ZNF385D: variants seen among roughly 807,000 people sequenced by gnomAD.
ZNF385D encodes zinc finger protein 659.
ZNF385D carries 15 observed loss-of-function variants against 35.8 expected under a neutral mutation model. The observed-to-expected ratio is 0.42, with a 90% confidence interval of 0.28 to 0.64. The LOEUF is 0.64. Ranked by LOEUF, ZNF385D falls within the 30% of genes least tolerant of loss-of-function variation. ZNF385D has a pLI of 0.23. For missense variants in ZNF385D, 474 were observed against 494.6 expected, an observed-to-expected ratio of 0.96 and a Z score of 0.39; for synonymous variants, 212 against 186.8, an observed-to-expected ratio of 1.13 and a Z score of -1.10.
chr3:22,276,710 A>G (rs544334573), intron 2 of ZNF385D, among the ~76,000 whole-genome samples: 1 of 152,286 alleles, frequency 6.6e-6, no homozygotes, highest in African/African-American at 2.4e-5. Context: ...GAGTATTTGC[A>G]TCTCCATTTT....
At chr3:22,122,396 A>G (rs1210199747) in intron 3 of ZNF385D, among the ~76,000 whole-genome samples, 1 of 152,080 alleles carries the variant, frequency 6.6e-6, no homozygotes, top group Non-Finnish European at 1.5e-5. Flanking sequence ...TTTCCCAATA[A>G]TAGTATTTTC....
chr3:22,230,084 A>T (rs1698796871), intron 2 of ZNF385D, among the ~76,000 whole-genome samples: 1 of 152,216 alleles, frequency 6.6e-6, no homozygotes, highest in South Asian at 2.1e-4. Context: ...AATCCTTGTT[A>T]GTCCTGAGGG....
At chr3:22,186,317 G>A (rs943153677) in intron 2 of ZNF385D, among the ~76,000 whole-genome samples, 1 of 152,154 alleles carries the variant, frequency 6.6e-6, no homozygotes, top group South Asian at 2.1e-4. Context: ...GACGTAACTT[G>A]AATAAACACA....
At chr3:22,345,608 A>T (rs762823539) in intron 2 of ZNF385D, among the ~76,000 whole-genome samples, 1 of 152,218 alleles carries the variant, frequency 6.6e-6, no homozygotes, top group Non-Finnish European at 1.5e-5. Flanking sequence ...GATGCTTAAT[A>T]TAACTTATGT....
At chr3:22,363,083 C>T (rs73041338) in intron 2 of ZNF385D, among the ~76,000 whole-genome samples, 5,449 of 152,152 alleles carry the variant, frequency 0.036, 149 homozygotes, top group East Asian at 0.1. Context: ...AGTTCCTCTT[C>T]GGAGAACCCA....
intron 3 of ZNF385D, among the ~76,000 whole-genome samples, chr3:22,085,434 AAT>A (rs1700979404): frequency 6.6e-6 from 1 of 152,228 alleles, no homozygotes; most frequent in Non-Finnish European, 1.5e-5. Context: ...ATCATCAGAG[AAT>A]ACTATAAACA....
chr3:22,319,447 CT>C (rs973224249), intron 2 of ZNF385D, among the ~76,000 whole-genome samples: 1 of 151,850 alleles, frequency 6.6e-6, no homozygotes, highest in African/African-American at 2.4e-5. Context: ...AATTAATATA[CT>C]TTTTTTAAAA....
At chr3:22,296,085 T>C (rs1223188228) in intron 2 of ZNF385D, among the ~76,000 whole-genome samples, 1 of 152,154 alleles carries the variant, frequency 6.6e-6, no homozygotes, top group Admixed American at 6.6e-5. Context: ...ATATCCAAAA[T>C]GTAAGGTTAT....
At chr3:21,639,159 A>G (rs2065530030) in intron 2 of ZNF385D, among the ~76,000 whole-genome samples, 1 of 152,078 alleles carries the variant, frequency 6.6e-6, no homozygotes, top group Non-Finnish European at 1.5e-5. Flanking sequence ...GCATATAGAA[A>G]TATACACTGA....
Position 21,418,177 on chromosome 3 carries a change from C to T in ZNF385D, c.*3037G>A, listed in dbSNP as rs1445137472. 6.6e-6 allele frequency: 1 copy of T among 152,126 alleles called. No individual in the cohort carries two copies. The highest frequency in any genetic ancestry group is 1.5e-5 in the Non-Finnish European group (1 of 68,008). 9.4% of individuals were successfully genotyped at this position (152,126 alleles called of 1,614,324 possible). ...GTTTCAAATGAATCAGAGCTGCTTT[C>T]TCTATCACTTTCCTTGCCATGGTGT... On this transcript the variant is annotated 3_prime_UTR_variant, in exon 8 of 8. Coordinates refer to ENST00000281523, the MANE Select transcript of ZNF385D (RefSeq NM_024697.3).
intron 4 of ZNF385D, among the ~76,000 whole-genome samples, chr3:21,459,814 A>G (rs535892249): frequency 1.6e-4 from 24 of 152,336 alleles, no homozygotes; most frequent in African/African-American, 5.3e-4. Flanking sequence ...GCCATCTAAG[A>G]TATGTTCAAG....
intron 2 of ZNF385D, among the ~76,000 whole-genome samples, chr3:22,371,542 T>C (rs958472492): frequency 6.6e-6 from 1 of 152,102 alleles, no homozygotes. Flanking sequence ...CAGAAACACA[T>C]GAGGTGGACA....
Position 21,455,443 on chromosome 3 carries a change from C to T in ZNF385D, c.440-18240G>A, listed in dbSNP as rs1414340167. ...CAGAAATAATACCACACATCTACAA[C>T]CATCTGATCTTTGACAAACCTGAGA... On this transcript the variant is annotated intron_variant, in intron 4 of 7. Coordinates refer to ENST00000281523, the MANE Select transcript of ZNF385D (RefSeq NM_024697.3). Among the ~76,000 whole-genome samples the T allele has an allele frequency of 1.5e-4, 23 of 152,262 alleles. No homozygotes were observed. In the East Asian group the frequency reaches 4.4e-3, roughly 29 times the overall value.
rs140896714 is a variant in ZNF385D at position 22,002,101 on chromosome 3, A to G, written c.325+166716T>C. ...AATAAATAATACAAATTAGAGCAGA[A>G]CTAAACAAAATAAAGACTTAAAAAA... On this transcript the variant is annotated intron_variant, in intron 3 of 5. Coordinates refer to the ZNF385D transcript ENST00000494108. 2.1e-3 allele frequency among the ~76,000 whole-genome samples: 269 copies of G among 128,324 alleles called. 2 individuals are homozygous for G. In the East Asian group the frequency reaches 0.047, roughly 22 times the overall value. 84.2% of individuals were successfully genotyped at this position (128,324 alleles called of 152,430 possible). A position where few individuals can be genotyped will look rare whatever the true frequency, so the allele number is the denominator to read the frequency against.
At chr3:21,768,723 G>T (rs1339393406) in intron 3 of ZNF385D, among the ~76,000 whole-genome samples, 1 of 151,920 alleles carries the variant, frequency 6.6e-6, no homozygotes, top group Non-Finnish European at 1.5e-5. Flanking sequence ...AGACCAAGAG[G>T]TGGGTAGTTA....
At chr3:21,807,090 T>C (rs1240071710) in intron 3 of ZNF385D, among the ~76,000 whole-genome samples, 1 of 152,182 alleles carries the variant, frequency 6.6e-6, no homozygotes, top group East Asian at 1.9e-4. Context: ...AACAGTGCCA[T>C]CCAGTAAAAA....
intron 1 of ZNF385D, among the ~76,000 whole-genome samples, chr3:21,678,335 C>G (rs2066792028): frequency 6.6e-6 from 1 of 152,080 alleles, no homozygotes; most frequent in African/African-American, 2.4e-5. Context: ...CCTGGACATT[C>G]TGCAACAGCC....
rs1011479499 is a variant in ZNF385D, at chr3:21,424,570, C to G, written c.853-506G>C. On this transcript the variant is annotated intron_variant, in intron 6 of 7. Coordinates refer to ENST00000281523, the MANE Select transcript of ZNF385D (RefSeq NM_024697.3). ...CCTCTTGATACACCTGCCTCAGCCT[C>G]CCAAAGTGCTGAGATTACAGGCGTG... 4.0e-5 allele frequency among the ~76,000 whole-genome samples: 6 copies of G among 151,100 alleles called. 1 individual carries two copies. The South Asian group carries it at 1.2e-3, about 31-fold the overall frequency.
intron 3 of ZNF385D, among the ~76,000 whole-genome samples, chr3:22,083,300 T>C (rs567123021): frequency 1.5e-4 from 23 of 152,300 alleles, no homozygotes; most frequent in African/African-American, 5.5e-4. Flanking sequence ...TAAAGGAGGA[T>C]GTTCGAACCC....
Sources: allele counts gnomAD v4.1 joint callset (sites outside exome capture counted in the v4.1 genomes callset), GRCh38; gene constraint gnomAD v4.1.1; transcripts MANE v1.5; gene names NCBI Gene and HGNC (gene_info 2026-07-23, HGNC 2026-07-21).